The following ANKFN1 variants were observed in gnomAD, a reference collection of about 807,000 sequenced individuals.
ANKFN1 encodes ankyrin repeat and fibronectin type-III domain-containing protein 1.
A neutral mutation model predicts 108.7 loss-of-function variants in ANKFN1; 74 were observed. The ratio of observed to expected loss-of-function variants is 0.68; its 90% CI spans 0.56 to 0.83. ANKFN1 has a LOEUF of 0.83. Ranked by LOEUF, ANKFN1 falls within the 40% of genes least tolerant of loss-of-function variation. ANKFN1 has a pLI of 0.00. For synonymous variants in ANKFN1, 547 were observed against 516.2 expected, an observed-to-expected ratio of 1.06 and a Z score of -0.81; for missense variants, 1,505 against 1,382.3, an observed-to-expected ratio of 1.09 and a Z score of -1.41.
intron 4 of ANKFN1, among the ~76,000 whole-genome samples, chr17:56,057,040 C>G (rs1904892345): frequency 6.6e-6 from 1 of 152,218 alleles, no homozygotes; most frequent in Non-Finnish European, 1.5e-5. Context: ...ACAGTGTTCA[C>G]AGCATCTTCA....
chr17:56,165,677 G>A (rs1333748529), intron 1 of ANKFN1, among the ~76,000 whole-genome samples: 1 of 151,956 alleles, frequency 6.6e-6, no homozygotes, highest in East Asian at 1.9e-4. Context: ...TGGGTGTTTG[G>A]GACTCAGAGA....
intron 2 of ANKFN1, among the ~76,000 whole-genome samples, chr17:56,222,463 T>G (rs1470185830): frequency 6.6e-6 from 1 of 152,100 alleles, no homozygotes; most frequent in Non-Finnish European, 1.5e-5. Context: ...CTCAGCAGTT[T>G]GAAGGAGGAA....
At chr17:56,201,622 A>G (rs147861696) in intron 1 of ANKFN1, among the ~76,000 whole-genome samples, 16 of 152,274 alleles carry the variant, frequency 1.1e-4, no homozygotes, top group African/African-American at 3.4e-4. Context: ...AAGATTTGCC[A>G]CAAGAGTTAA....
chr17:56,457,846 C>T lies in ANKFN1; in HGVS notation c.1441-17C>T, dbSNP rs1434215911. ...ACTGGCTTGGACGATGACATGATTG[C>T]ATGCCTTCTTTTGCAGCTGTCTTGT... On this transcript the variant is annotated splice_polypyrimidine_tract_variant and intron_variant, in intron 13 of 20. Transcript: ENST00000682825. The T allele has an allele frequency of 1.9e-6, 3 of 1,583,494 alleles. No homozygotes were observed. The highest frequency in any genetic ancestry group is 2.6e-6 in the Non-Finnish European group (3 of 1,153,262).
chr17:56,480,938 T>C, intron 17 of ANKFN1, 120 bp downstream of exon 17: 1 of 1,203,882 alleles, frequency 8.3e-7, no homozygotes, highest in South Asian at 1.5e-5. Flanking sequence ...TTCCTTTACT[T>C]AAACACCACT....
intron 8 of ANKFN1, among the ~76,000 whole-genome samples, chr17:56,429,080 C>A (rs1408956127): frequency 6.6e-6 from 1 of 152,090 alleles, no homozygotes; most frequent in Non-Finnish European, 1.5e-5. Flanking sequence ...TGGGCAGATC[C>A]TCTTGTATAC....
intron 1 of ANKFN1, among the ~76,000 whole-genome samples, chr17:56,183,662 G>A (rs1380138461): frequency 6.6e-6 from 1 of 152,160 alleles, no homozygotes; most frequent in Non-Finnish European, 1.5e-5. Context: ...AAGCCAAGCA[G>A]ATGCTGGTGC....
intron 3 of ANKFN1, chr17:56,252,086 G>A (rs1467240895): frequency 6.6e-6 from 1 of 152,222 alleles, no homozygotes; most frequent in African/African-American, 2.4e-5. Context: ...AGGATCATAA[G>A]CTAGCTTCCA....
intron 8 of ANKFN1, among the ~76,000 whole-genome samples, chr17:56,391,964 T>C (rs1231285612): frequency 6.6e-6 from 1 of 152,196 alleles, no homozygotes; most frequent in Non-Finnish European, 1.5e-5. Flanking sequence ...TGTCAGACTG[T>C]ATTCTAGGCA....
In ANKFN1 at chr17:56,457,667, G is replaced by A. The variant is rs538859002; in HGVS notation, c.1441-196G>A. On this transcript the variant is annotated intron_variant, in intron 13 of 20. Coordinates refer to ENST00000682825, the MANE Select transcript of ANKFN1 (RefSeq NM_001370326.1). ...ATCATTTGGCAAAGACTAAAATGTG[G>A]ATCTGACCGTTTCATTAACATTCAG... Among the ~76,000 whole-genome samples, 349 of 152,306 alleles carry A rather than the reference G, an allele frequency of 2.3e-3. 1 individual carries two copies. Among genetic ancestry groups the A allele is most frequent in the African/African-American group, 7.5e-3 (311 of 41,562 alleles).
chr17:56,067,895 T>C (rs1216227212), intron 4 of ANKFN1, among the ~76,000 whole-genome samples: 1 of 152,178 alleles, frequency 6.6e-6, no homozygotes, highest in African/African-American at 2.4e-5. Flanking sequence ...CATCTAGAGA[T>C]GCAAGGCATT....
intron 15 of ANKFN1, chr17:56,473,732 C>T (rs562860109): frequency 6.7e-6 from 1 of 150,340 alleles, no homozygotes; most frequent in African/African-American, 2.4e-5. Flanking sequence ...CATTCCCACA[C>T]ATTTCTCAGG....
intron 4 of ANKFN1, among the ~76,000 whole-genome samples, chr17:56,046,547 CT>C (rs1180176513): frequency 6.6e-6 from 1 of 151,934 alleles, no homozygotes; most frequent in Non-Finnish European, 1.5e-5. Flanking sequence ...GACATATTTT[CT>C]TTTTTTTCCT....
intron 4 of ANKFN1, among the ~76,000 whole-genome samples, chr17:56,088,194 G>A (rs955303985): frequency 6.6e-6 from 1 of 151,206 alleles, no homozygotes; most frequent in Admixed American, 6.6e-5. Context: ...AACACATCTC[G>A]TTTTTTAGCA....
At chr17:56,104,212 T>A (rs1598096060) in intron 4 of ANKFN1, among the ~76,000 whole-genome samples, 1 of 152,374 alleles carries the variant, frequency 6.6e-6, no homozygotes, top group Middle Eastern at 3.4e-3. Flanking sequence ...TGTATACACA[T>A]ACACTCACCT....
chr17:56,240,984 A>G (rs1331425390), intron 3 of ANKFN1, among the ~76,000 whole-genome samples: 2 of 151,964 alleles, frequency 1.3e-5, no homozygotes, highest in Non-Finnish European at 2.9e-5. Context: ...AACTTTTTGT[A>G]GAATAATTTT....
intron 4 of ANKFN1, among the ~76,000 whole-genome samples, chr17:56,075,313 T>G (rs9899803): frequency 0.56 from 84,542 of 152,000 alleles, 24,954 homozygotes; most frequent in Non-Finnish European, 0.68. Flanking sequence ...AAGGTTAATG[T>G]GTAGTTAGAA....
At chr17:56,300,293 G>A (rs1030971165) in intron 3 of ANKFN1, among the ~76,000 whole-genome samples, 5 of 152,158 alleles carry the variant, frequency 3.3e-5, no homozygotes, top group Middle Eastern at 3.2e-3. Flanking sequence ...TCTAGATGTC[G>A]CTCGATGAGG....
chr17:56,476,021 T>C (rs1414809394), intron 15 of ANKFN1, among the ~76,000 whole-genome samples: 1 of 152,170 alleles, frequency 6.6e-6, no homozygotes, highest in Non-Finnish European at 1.5e-5. Flanking sequence ...CGTCTTACCA[T>C]GGCAGAGCGG....
Sources: allele counts gnomAD v4.1 joint callset (sites outside exome capture counted in the v4.1 genomes callset), GRCh38; gene constraint gnomAD v4.1.1; transcripts MANE v1.5; gene names NCBI Gene and HGNC (gene_info 2026-07-23, HGNC 2026-07-21).